Variants in TBC1D32 observed in about 807,000 individuals in gnomAD.
The protein encoded by TBC1D32 is TBC1 domain family member 32, also known as protein broad-minded.
Under a neutral mutation model 170.3 loss-of-function variants are expected in TBC1D32, and 151 were observed. The observed-to-expected ratio is 0.89, with a 90% CI of 0.78 to 1.01. The LOEUF is 1.01. TBC1D32 is among the 50% of genes least tolerant of loss of function. The pLI, the probability that TBC1D32 is intolerant of heterozygous loss-of-function variation, is 0.00. For synonymous variants in TBC1D32, 498 were observed against 488.0 expected (o/e 1.02, Z -0.27); for missense variants, 1,464 against 1,457.1 (o/e 1.00, Z -0.08).
chr6:121,108,884 A>G (rs1778950000), intron 29 of TBC1D32, among the ~76,000 whole-genome samples: 1 of 152,188 alleles, frequency 6.6e-6, no homozygotes, highest in Non-Finnish European at 1.5e-5. Flanking sequence ...AGGATGTGCC[A>G]CGCTTTACAG....
chr6:121,082,461 C>G (rs527929391), intron 31 of TBC1D32, among the ~76,000 whole-genome samples: 23 of 152,050 alleles, frequency 1.5e-4, no homozygotes, highest in Middle Eastern at 3.4e-3. Context: ...CTTTAACTAC[C>G]TCTTCACTAA....
chr6:121,333,049 T>C (rs1320713811), intron 1 of TBC1D32, among the ~76,000 whole-genome samples: 3 of 152,100 alleles, frequency 2.0e-5, no homozygotes, highest in African/African-American at 4.8e-5. Flanking sequence ...AACTTGTACA[T>C]AGAATTTCAA....
At chr6:121,113,703 G>A (rs1395047100) in intron 27 of TBC1D32, among the ~76,000 whole-genome samples, 1 of 152,122 alleles carries the variant, frequency 6.6e-6, no homozygotes, top group African/African-American at 2.4e-5. Flanking sequence ...TACTGGTATG[G>A]ATGAAAAAGT....
At chr6:121,270,320 T>G (rs1278303228) in intron 15 of TBC1D32, among the ~76,000 whole-genome samples, 1 of 151,876 alleles carries the variant, frequency 6.6e-6, no homozygotes, top group African/African-American at 2.4e-5. Flanking sequence ...AATCAATGAA[T>G]CCAGGAGCTG....
intron 10 of TBC1D32, among the ~76,000 whole-genome samples, chr6:121,297,207 A>C (rs1385398564): frequency 6.6e-6 from 1 of 152,124 alleles, no homozygotes; most frequent in Non-Finnish European, 1.5e-5. Context: ...TCAAGTTGAG[A>C]GTATAATGAA....
intron 2 of TBC1D32, among the ~76,000 whole-genome samples, chr6:121,321,241 A>C (rs1017677484): frequency 3.3e-5 from 5 of 152,186 alleles, no homozygotes; most frequent in African/African-American, 1.2e-4. Context: ...AAGTTATGCA[A>C]ATATTTAGGA....
intron 24 of TBC1D32, among the ~76,000 whole-genome samples, chr6:121,150,226 G>T (rs995258922): frequency 6.6e-6 from 1 of 152,120 alleles, no homozygotes; most frequent in Admixed American, 6.6e-5. Context: ...GCATGAAGGG[G>T]TGTTGCATTT....
intron 22 of TBC1D32, among the ~76,000 whole-genome samples, chr6:121,186,267 A>G (rs1019432234): frequency 1.3e-5 from 2 of 152,028 alleles, no homozygotes; most frequent in Non-Finnish European, 2.9e-5. Context: ...GACTGCTCCT[A>G]TGCAATGGAG....
intron 24 of TBC1D32, among the ~76,000 whole-genome samples, chr6:121,147,076 G>A (rs1783547115): frequency 6.6e-6 from 1 of 152,092 alleles, no homozygotes; most frequent in Non-Finnish European, 1.5e-5. Flanking sequence ...GCAGTATTTG[G>A]TTTTCTGTTC....
chr6:121,187,751 G>A (rs1295452186), intron 22 of TBC1D32, among the ~76,000 whole-genome samples: 1 of 30,018 alleles, frequency 3.3e-5, no homozygotes, highest in African/African-American at 6.4e-5. Context: ...TGATGCTCAG[G>A]GCCAAAAAAA....
intron 22 of TBC1D32, among the ~76,000 whole-genome samples, chr6:121,187,058 G>A (rs1162119698): frequency 3.3e-5 from 5 of 151,858 alleles, no homozygotes; most frequent in Admixed American, 2.6e-4. Flanking sequence ...CTAAGCAAAT[G>A]AGAAATAGGA....
chr6:121,191,029 C>T (rs569267596), intron 22 of TBC1D32, among the ~76,000 whole-genome samples: 1 of 89,872 alleles, frequency 1.1e-5, no homozygotes, highest in Admixed American at 1.5e-4. Flanking sequence ...TAAGCAAATA[C>T]AATGTGTGTA....
At chr6:121,169,686 C>A (rs1209062668) in intron 22 of TBC1D32, among the ~76,000 whole-genome samples, 2 of 152,078 alleles carry the variant, frequency 1.3e-5, no homozygotes, top group Non-Finnish European at 2.9e-5. Context: ...CCATACTCAG[C>A]AGCTGTTAAT....
chr6:121,153,087 T>C (rs1784410667), intron 24 of TBC1D32, among the ~76,000 whole-genome samples: 1 of 152,068 alleles, frequency 6.6e-6, no homozygotes. Flanking sequence ...GGTGTTCTGG[T>C]TTTTGGACTT....
chr6:121,223,170 C>A, intron 21 of TBC1D32, 66 bp downstream of exon 21: 2 of 1,048,892 alleles, frequency 1.9e-6, no homozygotes, highest in Non-Finnish European at 2.7e-6. Context: ...GGTCAAATTA[C>A]CTTTTTACTA....
At chr6:121,230,507 C>T (rs150998807) in intron 20 of TBC1D32, among the ~76,000 whole-genome samples, 159 of 152,104 alleles carry the variant, frequency 1.0e-3, no homozygotes, top group Admixed American at 3.5e-3. Flanking sequence ...TTATCAACAA[C>T]CTGCAACTTA....
At chr6:121,310,548 T>C (rs1484197929) in intron 4 of TBC1D32, among the ~76,000 whole-genome samples, 1 of 152,212 alleles carries the variant, frequency 6.6e-6, no homozygotes, top group African/African-American at 2.4e-5. Context: ...AAATTGATGC[T>C]GAAGATAAAA....
chr6:121,315,459 C>A (rs1446219878), intron 3 of TBC1D32, among the ~76,000 whole-genome samples: 4 of 152,098 alleles, frequency 2.6e-5, no homozygotes, highest in African/African-American at 9.7e-5. Context: ...TCTTCAATAT[C>A]CTCATACTTA....
At chr6:121,102,366 G>A (rs1353598808) in intron 30 of TBC1D32, among the ~76,000 whole-genome samples, 4 of 152,100 alleles carry the variant, frequency 2.6e-5, no homozygotes, top group East Asian at 1.9e-4. Context: ...AACCAAAACA[G>A]CATGGTACTG....
Sources: gnomAD v4.1 joint callset for allele counts (sites outside exome capture counted in the v4.1 genomes callset) on GRCh38, gnomAD v4.1.1 for gene constraint, MANE v1.5 for transcripts, NCBI Gene and HGNC (gene_info 2026-07-23, HGNC 2026-07-21) for gene names.